Variants in CCSER1 observed in about 807,000 individuals in gnomAD.
The protein encoded by CCSER1 is serine-rich coiled-coil domain-containing protein 1.
CCSER1 carries 41 observed loss-of-function variants against 82.0 expected under a neutral mutation model. The ratio of observed to expected loss-of-function variants is 0.50; its 90% CI spans 0.39 to 0.65. The LOEUF is 0.65. Among genes scored for constraint, CCSER1 ranks in the 30% least tolerant of loss-of-function variants. CCSER1 has a pLI of 0.00. For missense variants in CCSER1, 1,119 were observed against 1,064.2 expected (o/e 1.05, Z -0.72); for synonymous variants, 414 against 383.9 (o/e 1.08, Z -0.92).
Position 91,514,182 on chromosome 4 carries a change from T to G in CCSER1, c.2218-84390T>G, listed in dbSNP as rs567813557. Among the ~76,000 whole-genome samples, 241 of 152,258 alleles carry G rather than the reference T, an allele frequency of 1.6e-3. 1 individual carries two copies. Among genetic ancestry groups the G allele is most frequent in the African/African-American group, 5.6e-3 (231 of 41,552 alleles). On this transcript the variant is annotated intron_variant, in intron 10 of 10. Coordinates refer to ENST00000509176, the MANE Select transcript of CCSER1 (RefSeq NM_001145065.2). ...TCTGTTTTCACTTATTTCAAATAAT[T>G]TTTTTATTTCTGCCTTAATTTTATT...
chr4:91,541,328 A>G (rs920794156), intron 10 of CCSER1, among the ~76,000 whole-genome samples: 1 of 152,198 alleles, frequency 6.6e-6, no homozygotes, highest in African/African-American at 2.4e-5. Context: ...CGCTGCACCC[A>G]TTAACTCGTC....
intron 1 of CCSER1, among the ~76,000 whole-genome samples, chr4:90,244,807 C>T (rs960715909): frequency 2.6e-5 from 4 of 152,108 alleles, no homozygotes; most frequent in Non-Finnish European, 1.5e-5. Context: ...TGCGTGGGGA[C>T]ACAAAGCCTA....
chr4:91,274,167 T>C (rs2149188848), intron 10 of CCSER1, among the ~76,000 whole-genome samples: 1 of 152,332 alleles, frequency 6.6e-6, no homozygotes, highest in East Asian at 1.9e-4. Context: ...TTTATGCTGA[T>C]GTGATGACTT....
At chr4:90,388,012 G>A (rs566013943) in intron 3 of CCSER1, among the ~76,000 whole-genome samples, 4 of 152,268 alleles carry the variant, frequency 2.6e-5, no homozygotes, top group Non-Finnish European at 5.9e-5. Flanking sequence ...CAGACTTTGA[G>A]TTTGGCTATC....
At chr4:90,968,784 AC>A in intron 9 of CCSER1, among the ~76,000 whole-genome samples, 1 of 152,100 alleles carries the variant, frequency 6.6e-6, no homozygotes, top group Non-Finnish European at 1.5e-5. Context: ...ACTCAAGGAA[AC>A]ATAACACTAT....
At chr4:90,468,435 GTTAATA>G (rs1464972554) in intron 5 of CCSER1, 81 bp downstream of exon 5, 58 of 1,191,374 alleles carry the variant, frequency 4.9e-5, no homozygotes, top group Middle Eastern at 5.4e-4. Flanking sequence ...TAATAAATGT[GTTAATA>G]TTAGTATAAA....
At chr4:91,178,729 C>A (rs994234499) in intron 10 of CCSER1, among the ~76,000 whole-genome samples, 1 of 152,092 alleles carries the variant, frequency 6.6e-6, no homozygotes, top group Non-Finnish European at 1.5e-5. Flanking sequence ...CTCCTGTATA[C>A]AGCTCACTGA....
chr4:90,925,167 C>A (rs559592195), intron 9 of CCSER1, among the ~76,000 whole-genome samples: 14 of 152,222 alleles, frequency 9.2e-5, no homozygotes, highest in Admixed American at 1.3e-4. Flanking sequence ...TCATAATTTT[C>A]ATTAAATCTT....
intron 5 of CCSER1, among the ~76,000 whole-genome samples, chr4:90,607,624 T>G (rs905433038): frequency 6.6e-6 from 1 of 152,164 alleles, no homozygotes; most frequent in Non-Finnish European, 1.5e-5. Context: ...CTTTCTGTAA[T>G]ACCAGTTATG....
chr4:91,342,318 C>A (rs1747775357), intron 10 of CCSER1, among the ~76,000 whole-genome samples: 1 of 152,098 alleles, frequency 6.6e-6, no homozygotes, highest in African/African-American at 2.4e-5. Context: ...GACATATTAG[C>A]CATTACTTTA....
At chr4:91,399,889 GTTCTA>G (rs1328702624) in intron 10 of CCSER1, among the ~76,000 whole-genome samples, 1 of 151,820 alleles carries the variant, frequency 6.6e-6, no homozygotes, top group Non-Finnish European at 1.5e-5. Context: ...AACGTTTTCT[GTTCTA>G]AAGTATGTTT....
chr4:91,058,343 A>G (rs1743638308), intron 9 of CCSER1, among the ~76,000 whole-genome samples: 1 of 152,120 alleles, frequency 6.6e-6, no homozygotes, highest in Non-Finnish European at 1.5e-5. Context: ...CTTTACAAGG[A>G]CATGGGTAGA....
At chr4:91,013,738 G>C (rs1335567600) in intron 9 of CCSER1, among the ~76,000 whole-genome samples, 2 of 126,734 alleles carry the variant, frequency 1.6e-5, no homozygotes, top group Non-Finnish European at 3.6e-5. Flanking sequence ...GAGCAGCTGG[G>C]ACTCCAGGCA....
intron 8 of CCSER1, among the ~76,000 whole-genome samples, chr4:90,916,873 CA>C (rs1478754160): frequency 2.0e-5 from 3 of 150,776 alleles, no homozygotes; most frequent in African/African-American, 4.9e-5. Context: ...AGACACTTCT[CA>C]AAAGAAGACG....
intron 5 of CCSER1, among the ~76,000 whole-genome samples, chr4:90,562,902 T>C (rs922811921): frequency 1.3e-5 from 2 of 150,956 alleles, no homozygotes; most frequent in East Asian, 3.9e-4. Context: ...TGAATGGATA[T>C]TGATAAATTT....
intron 9 of CCSER1, among the ~76,000 whole-genome samples, chr4:90,955,305 G>T (rs1413390105): frequency 6.6e-6 from 1 of 152,158 alleles, no homozygotes; most frequent in African/African-American, 2.4e-5. Flanking sequence ...TGCTACACTT[G>T]TGTTGGTTTT....
chr4:91,365,698 C>T (rs2149317675), intron 10 of CCSER1, among the ~76,000 whole-genome samples: 1 of 152,158 alleles, frequency 6.6e-6, no homozygotes, highest in Non-Finnish European at 1.5e-5. Flanking sequence ...TTTAGGGAGT[C>T]AATACTAATT....
intron 10 of CCSER1, among the ~76,000 whole-genome samples, chr4:91,209,663 C>T (rs1015224417): frequency 1.2e-4 from 18 of 151,784 alleles, no homozygotes; most frequent in African/African-American, 3.4e-4. Context: ...GAATATTAGC[C>T]TGAAGTTTTC....
intron 1 of CCSER1, among the ~76,000 whole-genome samples, chr4:90,207,729 A>T (rs1329928677): frequency 6.6e-6 from 1 of 151,978 alleles, no homozygotes; most frequent in African/African-American, 2.4e-5. Context: ...TCTGTTTGTT[A>T]GTTTTCCTTC....
Sources: allele counts gnomAD v4.1 joint callset (sites outside exome capture counted in the v4.1 genomes callset), GRCh38; gene constraint gnomAD v4.1.1; transcripts MANE v1.5; gene names NCBI Gene and HGNC (gene_info 2026-07-23, HGNC 2026-07-21).